Variants in VPS33B observed in about 807,000 individuals in gnomAD.
VPS33B encodes the protein VPS33B late endosome and lysosome associated, also known as vacuolar protein sorting-associated protein 33B.
In VPS33B, 80 loss-of-function variants were observed where a neutral mutation model predicts 95.3. The ratio of observed to expected loss-of-function variants is 0.84; its 90% CI spans 0.70 to 1.01. The LOEUF (loss-of-function observed/expected upper bound fraction) is 1.01, where lower values mean the gene tolerates loss of function less well. VPS33B is among the 50% of genes least tolerant of loss of function. The pLI, the probability that VPS33B is intolerant of heterozygous loss-of-function variation, is 0.00. For synonymous variants in VPS33B, 280 were observed against 280.4 expected, an observed-to-expected ratio of 1.00 and a Z score of 0.01; for missense variants, 715 against 773.4, an observed-to-expected ratio of 0.92 and a Z score of 0.90.
At chr15:91,014,644 C>T (rs1021590538) in intron 3 of VPS33B, among the ~76,000 whole-genome samples, 6 of 152,182 alleles carry the variant, frequency 3.9e-5, no homozygotes, top group African/African-American at 9.7e-5. Flanking sequence ...GGGTACATTA[C>T]TGGCCCTATG....
In VPS33B at chr15:91,022,206, A is replaced by G. The variant is rs748609085; in HGVS notation, c.44T>C (p.Phe15Ser). ...TCGAGCCAGCCTCTTCAGCATGGAGAAGTCAGGCAGCTCAGGGGCGTCCGG... is the reference window on the plus strand; with the variant it reads ...TCGAGCCAGCCTCTTCAGCATGGAGGAGTCAGGCAGCTCAGGGGCGTCCGG... Reference protein sequence around the residue: ...HRPDAPELPDFSMLKRLARDQ... With the variant: ...HRPDAPELPDSSMLKRLARDQ... Residue 15 changes from phenylalanine to serine, a missense_variant, in exon 1 of 23, where the codon TTC becomes TCC. Transcript: ENST00000333371. The G allele has an allele frequency of 6.3e-6, 10 of 1,588,280 alleles. No homozygotes were observed. In the Admixed American group the frequency reaches 1.7e-4, roughly 28 times the overall value.
chr15:91,004,988 CT>C, intron 15 of VPS33B, 57 bp from the exon 16 acceptor site: 1 of 1,614,216 alleles, frequency 6.2e-7, no homozygotes, highest in East Asian at 2.2e-5. Flanking sequence ...TGTTCTTTTC[CT>C]TCTGCTTAAG....
rs1007927877 is a variant in VPS33B at position 91,010,947 on chromosome 15, A to G, written c.358-1101T>C. Among the ~76,000 whole-genome samples the G allele has an allele frequency of 5.9e-5, 9 of 152,240 alleles. No individual in the cohort carries two copies. The highest frequency in any genetic ancestry group is 2.0e-4 in the Admixed American group (3 of 15,282). ...GAAGCAGAAGCAGTGACAATAGAAC[A>G]TTCTTCACAGAAGCCTGGCCCTGAA... On this transcript the variant is annotated intron_variant, in intron 5 of 22. Transcript: ENST00000333371. This position sits in a 1 kb window ranked among gnomAD's most constrained non-coding sequence, Gnocchi z 5.7.
At chr15:91,021,809 A>T (rs895683997) in intron 1 of VPS33B, among the ~76,000 whole-genome samples, 13 of 152,174 alleles carry the variant, frequency 8.5e-5, no homozygotes, top group African/African-American at 3.1e-4. Flanking sequence ...TCTATCACTC[A>T]TTTACCACCT....
At position 91,001,482 on chromosome 15, in the gene VPS33B, C is replaced by G. The variant is rs373649530; in HGVS notation, c.1406-20G>C. Reference sequence around the variant, plus strand: ...TCTTTCCTGGGGAAGAAATCTGTGTCAGGTTTCACCTAAGGTCTATGGATT... The same window carrying G: ...TCTTTCCTGGGGAAGAAATCTGTGTGAGGTTTCACCTAAGGTCTATGGATT... On this transcript the variant is annotated intron_variant, in intron 18 of 22. Coordinates refer to ENST00000333371, the MANE Select transcript of VPS33B (RefSeq NM_018668.5). 760 of 1,606,868 alleles carry G rather than the reference C, an allele frequency of 4.7e-4. 2 individuals are homozygous for G. Among genetic ancestry groups the G allele is most frequent in the Non-Finnish European group, 4.3e-4 (510 of 1,173,594 alleles).
intron 4 of VPS33B, 57 bp downstream of exon 4, chr15:91,014,327 C>CCTG: frequency 6.3e-7 from 1 of 1,580,046 alleles, no homozygotes; most frequent in Non-Finnish European, 8.7e-7. Flanking sequence ...ATGGCCAAGG[C>CCTG]CCTTAGATTT....
rs2040703972 is a variant in VPS33B at position 91,009,210 on chromosome 15, A to G, written c.403+591T>C. On this transcript the variant is annotated intron_variant, in intron 6 of 22. Transcript: ENST00000333371. This position sits in a 1 kb window ranked among gnomAD's most constrained non-coding sequence, Gnocchi z 4.1. ...AACTCTAAGCCCTGGTGTTCCTTTCATACTACCCCAGGAGTGTTCTTTTCT... is the reference window on the plus strand; with the variant it reads ...AACTCTAAGCCCTGGTGTTCCTTTCGTACTACCCCAGGAGTGTTCTTTTCT... Among the ~76,000 whole-genome samples, 1 of 152,054 alleles carries G rather than the reference A, an allele frequency of 6.6e-6. No individual in the cohort carries two copies. Among genetic ancestry groups the G allele is most frequent in the South Asian group, 2.1e-4 (1 of 4,824 alleles).
intron 16 of VPS33B, 26 bp from the exon 17 acceptor site, chr15:91,003,157 T>C: frequency 1.9e-6 from 3 of 1,613,838 alleles, no homozygotes; most frequent in Non-Finnish European, 2.5e-6. Context: ...ATAAGACAGG[T>C]GCATGAGAAA....
chr15:91,008,343 C>T (rs909196525), intron 6 of VPS33B, among the ~76,000 whole-genome samples: 7 of 152,216 alleles, frequency 4.6e-5, no homozygotes, highest in African/African-American at 1.7e-4. Context: ...CGGCTCACTG[C>T]AACCTCCGCC....
chr15:91,017,844 C>T lies in VPS33B; in HGVS notation c.138G>A (p.Met46Ile). The change falls in exon 2 of 23, where the codon ATG (methionine) becomes ATA (isoleucine). Residue 46 changes from methionine (M) to isoleucine (I), a missense_variant. Met to Ile is a conservative substitution (Grantham distance 10, BLOSUM62 1). Coordinates refer to ENST00000333371, the MANE Select transcript of VPS33B (RefSeq NM_018668.5). Reference protein sequence around the residue: ...KKDLFIEADLMSPLDRIANVS... With the variant: ...KKDLFIEADLISPLDRIANVS... ...CATTGGCAATTCGATCCAAAGGGCT[C>T]ATGAGATCTGCCTCAATGAATAAAT... is the stretch of plus-strand genomic sequence containing the variant. 1 of 1,614,140 alleles carries T rather than the reference C, an allele frequency of 6.2e-7. No individual in the cohort carries two copies.
chr15:91,016,049 A>G (rs1424106913), intron 3 of VPS33B, among the ~76,000 whole-genome samples: 1 of 152,206 alleles, frequency 6.6e-6, no homozygotes, highest in Non-Finnish European at 1.5e-5. Context: ...ACAAAATGCC[A>G]TGGAAATCCA....
chr15:91,012,544 C>T (rs1416485358), intron 5 of VPS33B, among the ~76,000 whole-genome samples: 2 of 152,120 alleles, frequency 1.3e-5, no homozygotes, highest in Non-Finnish European at 2.9e-5. Flanking sequence ...GGCTTCAGTC[C>T]TTAGTTACTG....
rs1206406999 is a variant in VPS33B, at chr15:91,015,171, A to C, written c.240-738T>G. On this transcript the variant is annotated intron_variant, in intron 3 of 22. Coordinates refer to ENST00000333371, the MANE Select transcript of VPS33B (RefSeq NM_018668.5). This position sits in a 1 kb window ranked among gnomAD's most constrained non-coding sequence, Gnocchi z 4.7. ...GCCAACATGGTGAAACCCCGTCTCT[A>C]CTAAAAATACAAAAATTGGCTGGGC... Among the ~76,000 whole-genome samples, 2 of 151,340 alleles carry C rather than the reference A, an allele frequency of 1.3e-5. No homozygotes were observed. Among genetic ancestry groups the C allele is most frequent in the Non-Finnish European group, 2.9e-5 (2 of 67,826 alleles).
Position 91,004,948 on chromosome 15 carries a change from A to G in VPS33B, c.1171-17T>C. ...AGGCGACACCTGCATAGGAAGAAAG[A>G]ATCAAGGAGAATTGAAGCTTCACAA... On this transcript the variant is annotated splice_polypyrimidine_tract_variant and intron_variant, in intron 15 of 22. Transcript: ENST00000333371. The G allele has an allele frequency of 1.2e-6, 2 of 1,614,228 alleles. No individual in the cohort carries two copies. Among genetic ancestry groups the G allele is most frequent in the Non-Finnish European group, 1.7e-6 (2 of 1,180,038 alleles).
intron 2 of VPS33B, among the ~76,000 whole-genome samples, chr15:91,017,408 ATATATATATATATATT>A (rs2040971699): frequency 1.8e-5 from 2 of 110,258 alleles, no homozygotes; most frequent in Non-Finnish European, 3.8e-5. Context: ...ATATATATAT[ATATATATATATATATT>A]CTGTAGTAAA....
Position 91,007,192 on chromosome 15 carries a change from G to A in VPS33B, c.604-146C>T, listed in dbSNP as rs1026415655. 13 of 871,016 alleles carry A rather than the reference G, an allele frequency of 1.5e-5. No homozygotes were observed. The highest frequency in any genetic ancestry group is 5.0e-5 in the East Asian group (2 of 39,626). 54.0% of individuals were successfully genotyped at this position (871,016 alleles called of 1,614,324 possible). On this transcript the variant is annotated intron_variant, in intron 8 of 22. Transcript: ENST00000333371. This position sits in a 1 kb window ranked among gnomAD's most constrained non-coding sequence, Gnocchi z 5.3. ...TCACAATATGGCCCTATCTACTCCC[G>A]TCTGTGTCTATCTTTCCCCAACACT... is the stretch of plus-strand genomic sequence containing the variant.
chr15:91,016,375 C>CTTTTTTTTTT (rs796637381), intron 3 of VPS33B, among the ~76,000 whole-genome samples: 2 of 96,014 alleles, frequency 2.1e-5, no homozygotes, highest in African/African-American at 4.2e-5. Flanking sequence ...GCAGATTCTT[C>CTTTTTTTTTT]TTTTTTTTTT....
At position 91,005,289 on chromosome 15, in the gene VPS33B, G is replaced by C. The variant is rs1351666456; in HGVS notation, c.1105+91C>G. The C allele has an allele frequency of 6.2e-7, 1 of 1,612,744 alleles. No homozygotes were observed. Among genetic ancestry groups the C allele is most frequent in the Non-Finnish European group, 8.5e-7 (1 of 1,179,682 alleles). ...CCACATAGCCAGTGTCAGCTGGAAA[G>C]AGCCAGAGAACATCTTTTAAGGGTG... is the stretch of plus-strand genomic sequence containing the variant. On this transcript the variant is annotated intron_variant, in intron 14 of 22. Transcript: ENST00000333371. The surrounding 1 kb of genome is among the most constrained non-coding windows in gnomAD (Gnocchi z 6.4).
Position 91,009,841 on chromosome 15 carries a change from A to G in VPS33B, c.363T>C (p.Tyr121=), listed in dbSNP as rs149733667. Residue 121 remains tyrosine (Y), a synonymous_variant, in exon 6 of 23, where the codon TAT becomes TAC. Transcript: ENST00000333371. The surrounding 1 kb of genome is among the most constrained non-coding windows in gnomAD (Gnocchi z 4.1). ...YKVIFSPQKF[Y]ACEMVLEEEG... is the part of the protein sequence containing the mutation. ...CTTCCTCAAGCACCATCTCACACGC[A>G]TAGAACTGAAAGAGAAAAGGAAATT... 5,582 of 1,614,118 alleles carry G rather than the reference A, an allele frequency of 3.5e-3. 29 individuals are homozygous for G. Among genetic ancestry groups the G allele is most frequent in the Non-Finnish European group, 3.2e-3 (3,765 of 1,179,982 alleles).
Sources: gnomAD v4.1 joint callset for allele counts (sites outside exome capture counted in the v4.1 genomes callset) on GRCh38, gnomAD v4.1.1 for gene constraint, Gnocchi (gnomAD v3.1) non-coding constraint, MANE v1.5 for transcripts, NCBI Gene and HGNC (gene_info 2026-07-23, HGNC 2026-07-21) for gene names.